F8: variants seen among roughly 807,000 people sequenced by gnomAD.
The protein encoded by F8 is antihemophilic factor.
F8 carries 12 observed loss-of-function variants against 140.6 expected under a neutral mutation model. The observed-to-expected ratio is 0.09, with a 90% CI of 0.05 to 0.14. The LOEUF (loss-of-function observed/expected upper bound fraction) is 0.14, where lower values mean the gene tolerates loss of function less well. F8 is among the 10% of genes least tolerant of loss of function. F8 has a pLI of 1.00. For synonymous variants in F8, 585 were observed against 614.6 expected (o/e 0.95, Z 0.71); for missense variants, 1,354 against 1,720.7 (o/e 0.79, Z 3.77).
At chrX:154,928,056 T>C (rs940014463) in intron 14 of F8, among the ~76,000 whole-genome samples, 6 of 112,314 alleles carry the variant, frequency 5.3e-5, no homozygotes, top group Admixed American at 9.5e-5. Context: ...TATAAGCTCC[T>C]GCTGTGCTGC....
chrX:154,839,463 C>T (rs782494373), intron 25 of F8, among the ~76,000 whole-genome samples: 14 of 108,093 alleles, frequency 1.3e-4, no homozygotes, highest in African/African-American at 4.4e-4. Context: ...CCCGGGTTCA[C>T]GCCATTCTCC....
chrX:154,944,327 AAAAC>A (rs1332848004), intron 13 of F8, among the ~76,000 whole-genome samples: 8 of 109,969 alleles, frequency 7.3e-5, no homozygotes, highest in Non-Finnish European at 1.5e-4. Flanking sequence ...TTACAAGAAA[AAAAC>A]AAACAACCCC....
chrX:155,011,235 C>T (rs913610431), intron 1 of F8, among the ~76,000 whole-genome samples: 1 of 112,012 alleles, frequency 8.9e-6, no homozygotes, highest in Non-Finnish European at 1.9e-5. Flanking sequence ...CAATTAAAAA[C>T]ACGCAAAGCA....
intron 14 of F8, among the ~76,000 whole-genome samples, chrX:154,923,766 T>A (rs1210928355): frequency 9.0e-6 from 1 of 111,399 alleles, no homozygotes; most frequent in Non-Finnish European, 1.9e-5. Flanking sequence ...TGTGAGGACA[T>A]GAGATTTGGG....
intron 6 of F8, among the ~76,000 whole-genome samples, chrX:154,981,912 G>A (rs1306110334): frequency 8.9e-6 from 1 of 112,004 alleles, no homozygotes; most frequent in Admixed American, 9.4e-5. Flanking sequence ...ATGGCCGGAT[G>A]CAGTGGCTCA....
At chrX:154,922,098 C>G (rs782253710) in intron 14 of F8, among the ~76,000 whole-genome samples, 3 of 112,446 alleles carry the variant, frequency 2.7e-5, no homozygotes, top group Non-Finnish European at 5.6e-5. Context: ...TCTCCTCATT[C>G]TTCCCATACT....
In F8 at chrX:154,891,743, G is replaced by A. The variant is rs185742348; in HGVS notation, c.6429+4334C>T. Among the ~76,000 whole-genome samples the A allele has an allele frequency of 3.7e-3, 417 of 112,504 alleles. 2 individuals carry two copies. Among genetic ancestry groups the A allele is most frequent in the Non-Finnish European group, 6.3e-3 (335 of 53,273 alleles). On this transcript the variant is annotated intron_variant, in intron 22 of 25. Transcript: ENST00000360256. ...CTCTAGGTCAATACTTCCATATCAGGTGCCTGGGGCTGTGTAAATTTGCTT... is the reference window on the plus strand; with the variant it reads ...CTCTAGGTCAATACTTCCATATCAGATGCCTGGGGCTGTGTAAATTTGCTT...
intron 22 of F8, among the ~76,000 whole-genome samples, chrX:154,869,064 A>G (rs782317217): frequency 1.3e-4 from 15 of 111,593 alleles, no homozygotes; most frequent in African/African-American, 4.9e-4. Context: ...TCTTAGAGAC[A>G]TACAAAGAGA....
At chrX:154,890,357 T>C (rs892486951) in intron 22 of F8, among the ~76,000 whole-genome samples, 1 of 112,179 alleles carries the variant, frequency 8.9e-6, no homozygotes, top group African/African-American at 3.2e-5. Flanking sequence ...GAGTAGTTAA[T>C]AACTGTAAGT....
intron 14 of F8, chrX:154,920,244 C>G (rs1347457161): frequency 9.5e-6 from 1 of 105,467 alleles, no homozygotes; most frequent in Non-Finnish European, 2.0e-5. Flanking sequence ...TTGATCCTTT[C>G]TTCTTCTGTT....
intron 25 of F8, among the ~76,000 whole-genome samples, chrX:154,850,489 T>TA (rs1310727005): frequency 2.8e-5 from 3 of 107,451 alleles, no homozygotes; most frequent in East Asian, 2.9e-4. Context: ...CTCTTTATTT[T>TA]TTTTTTTAGA....
intron 13 of F8, among the ~76,000 whole-genome samples, chrX:154,936,033 A>C (rs1368205356): frequency 9.2e-6 from 1 of 108,427 alleles, no homozygotes; most frequent in Non-Finnish European, 1.9e-5. Context: ...CAAAAATCAA[A>C]GTAAAGAGCT....
At chrX:154,926,714 TCAG>T (rs782356950) in intron 14 of F8, among the ~76,000 whole-genome samples, 1 of 111,686 alleles carries the variant, frequency 9.0e-6, no homozygotes, top group African/African-American at 3.3e-5. Context: ...GGCTGAGCAA[TCAG>T]CAGGTTTTGG....
rs2073198347 is a variant in F8 at position 154,931,527 on chromosome X, C to G, written c.2263G>C (p.Ala755Pro). Residue 755 changes from alanine (A) to proline (P), a missense_variant, in exon 14 of 26, where the codon GCC becomes CCC. This residue lies in a region of F8 where 252 missense variants were observed against 338.5 expected (regional missense o/e 0.74). Transcript: ENST00000360256. ...TGGGAGAAGCTTCTTGGTTCAATGGCATTGTTTTTACTCAGCAAGTATGCT... is the reference window on the plus strand; with the variant it reads ...TGGGAGAAGCTTCTTGGTTCAATGGGATTGTTTTTACTCAGCAAGTATGCT... ...ISAYLLSKNN[A>P]IEPRSFSQNS... 5 of 1,209,948 alleles carry G rather than the reference C, an allele frequency of 4.1e-6. No individual in the cohort carries two copies. Among genetic ancestry groups the G allele is most frequent in the Non-Finnish European group, 5.6e-6 (5 of 895,056 alleles).
Position 154,867,139 on chromosome X carries a change from A to T in F8, c.6430-3912T>A, listed in dbSNP as rs185493498. Among the ~76,000 whole-genome samples the T allele has an allele frequency of 5.7e-3, 639 of 112,033 alleles. 7 individuals carry two copies. The highest frequency in any genetic ancestry group is 0.02 in the African/African-American group (609 of 30,877). ...ACATATAACATACCAAAACTGAATA[A>T]CAAAGAAATAGAAAGCCTTAACAGA... On this transcript the variant is annotated intron_variant, in intron 22 of 25. Transcript: ENST00000360256.
At chrX:154,970,820 T>C (rs1276408583) in intron 6 of F8, among the ~76,000 whole-genome samples, 1 of 111,817 alleles carries the variant, frequency 8.9e-6, no homozygotes, top group African/African-American at 3.3e-5. Context: ...CATAGAATTA[T>C]GTAATTTTCC....
At position 154,876,707 on chromosome X, in the gene F8, A is replaced by C. The variant is rs182062399; in HGVS notation, c.6430-13480T>G. On this transcript the variant is annotated intron_variant, in intron 22 of 25. Transcript: ENST00000360256. Reference sequence around the variant, plus strand: ...GGCCTTTAGATTTGGCTTTTGCAAGAGCTAGTATAATTAAATCCCAGGTAA... The same window carrying C: ...GGCCTTTAGATTTGGCTTTTGCAAGCGCTAGTATAATTAAATCCCAGGTAA... Among the ~76,000 whole-genome samples the C allele has an allele frequency of 4.4e-3, 488 of 111,272 alleles. 2 individuals are homozygous for C. The highest frequency in any genetic ancestry group is 7.6e-3 in the Non-Finnish European group (402 of 53,039).
intron 14 of F8, chrX:154,909,741 T>G (rs1250860153): frequency 8.9e-6 from 1 of 112,414 alleles, no homozygotes; most frequent in Non-Finnish European, 1.9e-5. Flanking sequence ...ACACGATAAT[T>G]GTACATGTTT....
At chrX:154,908,576 C>T (rs2073049664) in intron 14 of F8, among the ~76,000 whole-genome samples, 1 of 112,252 alleles carries the variant, frequency 8.9e-6, no homozygotes, top group Admixed American at 9.5e-5. Flanking sequence ...AATTCATGTA[C>T]GTGGTATATC....
Sources: allele counts gnomAD v4.1 joint callset (sites outside exome capture counted in the v4.1 genomes callset), GRCh38; gene constraint gnomAD v4.1.1; regional missense constraint gnomAD v4.1.1; transcripts MANE v1.5; gene names NCBI Gene and HGNC (gene_info 2026-07-23, HGNC 2026-07-21).